Variants in VSIG10 observed in about 807,000 individuals in gnomAD.
The protein encoded by VSIG10 is V-set and immunoglobulin domain-containing protein 10.
VSIG10 carries 48 observed loss-of-function variants against 58.7 expected under a neutral mutation model. That is an observed-to-expected ratio of 0.82 (90% CI 0.65 to 1.04). The LOEUF is 1.04. Ranked by LOEUF, VSIG10 falls within the 50% of genes least tolerant of loss-of-function variation. The pLI, the probability that VSIG10 is intolerant of heterozygous loss-of-function variation, is 0.00. For missense variants in VSIG10, 628 were observed against 670.0 expected, an observed-to-expected ratio of 0.94 and a Z score of 0.69; for synonymous variants, 260 against 267.1, an observed-to-expected ratio of 0.97 and a Z score of 0.26.
At chr12:118,071,973 C>T (rs923400732) in intron 5 of VSIG10, among the ~76,000 whole-genome samples, 1 of 150,302 alleles carries the variant, frequency 6.7e-6, no homozygotes, top group Non-Finnish European at 1.5e-5. Context: ...AGATCGAGAC[C>T]AGCCTGACCA....
intron 2 of VSIG10, 133 bp downstream of exon 2, chr12:118,095,400 C>G: frequency 8.5e-7 from 1 of 1,171,886 alleles, no homozygotes. Context: ...AGAGGTCCCT[C>G]AGCTTCCATG....
Position 118,103,846 on chromosome 12 carries a change from G to A in VSIG10, c.-175C>T, listed in dbSNP as rs1262594787. 1.2e-5 allele frequency: 7 copies of A among 561,146 alleles called. No individual in the cohort carries two copies. Among genetic ancestry groups the A allele is most frequent in the Admixed American group, 8.8e-5 (2 of 22,822 alleles). 34.8% of individuals were successfully genotyped at this position (561,146 alleles called of 1,614,324 possible). A position where few individuals can be genotyped will look rare whatever the true frequency, so the allele number is the denominator to read the frequency against. On this transcript the variant is annotated 5_prime_UTR_variant, in exon 1 of 9. Transcript: ENST00000359236. ...TTGGCTGAGCCGAGTGTCCAGGGCC[G>A]GCAGCGGAGCTCGGCTGCAGGCTCG...
chr12:118,079,735 G>T, intron 3 of VSIG10, 129 bp from the exon 4 acceptor site: 1 of 1,293,760 alleles, frequency 7.7e-7, no homozygotes. Context: ...GCATCTAATA[G>T]CTCCTAGCAC....
At chr12:118,071,762 T>C (rs1003806591) in intron 5 of VSIG10, among the ~76,000 whole-genome samples, 3 of 152,232 alleles carry the variant, frequency 2.0e-5, no homozygotes, top group East Asian at 1.9e-4. Context: ...GAGTTATCAA[T>C]GCCATGATAA....
chr12:118,095,857 C>T (rs12817403), intron 1 of VSIG10, 43 bp from the exon 2 acceptor site: 1 of 1,556,302 alleles, frequency 6.4e-7, no homozygotes, highest in Non-Finnish European at 8.7e-7. Flanking sequence ...TTCTTAATTT[C>T]TAAACAATGT....
At position 118,103,619 on chromosome 12, in the gene VSIG10, G is replaced by A; in HGVS notation, c.53C>T (p.Ala18Val). Residue 18 changes from alanine (A) to valine (V), a missense_variant, in exon 1 of 9, where the codon GCG becomes GTG. Transcript: ENST00000359236. ...TACGGCGACCCAGCCGGCCAGGAGC[G>A]CCCCGAGGCAGACGAGGACGCGGGG... The part of the protein sequence containing the change: ...PEPRVLVCLG[A>V]LLAGWVAVGL... 1 of 1,517,690 alleles carries A rather than the reference G, an allele frequency of 6.6e-7. No individual in the cohort carries two copies. Among genetic ancestry groups the A allele is most frequent in the Non-Finnish European group, 8.8e-7 (1 of 1,138,918 alleles). 94.0% of individuals were successfully genotyped at this position (1,517,690 alleles called of 1,614,324 possible).
At chr12:118,076,298 G>A (rs1220381848) in intron 4 of VSIG10, among the ~76,000 whole-genome samples, 1 of 152,062 alleles carries the variant, frequency 6.6e-6, no homozygotes, top group East Asian at 1.9e-4. Flanking sequence ...ATTCGGCCCA[G>A]GATGGCTTTG....
rs61523301 is a variant in VSIG10, at chr12:118,083,114, C to CAAA, written c.362-688_362-686dup. 2.5e-3 allele frequency among the ~76,000 whole-genome samples: 138 copies of CAAA among 55,018 alleles called. 2 individuals carry two copies. The highest frequency in any genetic ancestry group is 4.5e-3 in the South Asian group (4 of 882). The allele number at this position is 55,018 out of a possible 152,430, so 36.1% of individuals were successfully genotyped here. A position where few individuals can be genotyped will look rare whatever the true frequency, so the allele number is the denominator to read the frequency against. On this transcript the variant is annotated intron_variant, in intron 2 of 8. Transcript: ENST00000359236. ...AGCAACACAGCAAGTCTCCGTCTCACAAAAAAAAAAAAAAAAAAAAAAAAA... is the reference window on the plus strand; with the variant it reads ...AGCAACACAGCAAGTCTCCGTCTCACAAAAAAAAAAAAAAAAAAAAAAAAAAAA...
At chr12:118,081,936 G>A (rs78796644) in intron 3 of VSIG10, among the ~76,000 whole-genome samples, 191 bp downstream of exon 3, 3,897 of 149,958 alleles carry the variant, frequency 0.026, 71 homozygotes, top group Middle Eastern at 0.086. Context: ...AGAATCGCTT[G>A]AACCCATGAG....
intron 6 of VSIG10, 47 bp downstream of exon 6, chr12:118,071,311 CT>C: frequency 6.4e-7 from 1 of 1,572,178 alleles, no homozygotes; most frequent in Non-Finnish European, 8.7e-7. Context: ...CATCCCGCAC[CT>C]TTTCAAAAGT....
intron 6 of VSIG10, 43 bp downstream of exon 6, chr12:118,071,316 C>T: frequency 3.2e-6 from 5 of 1,584,824 alleles, no homozygotes; most frequent in Non-Finnish European, 4.3e-6. Flanking sequence ...CGCACCTTTT[C>T]AAAAGTCTGG....
chr12:118,085,852 C>CAA (rs1255347303), intron 2 of VSIG10, among the ~76,000 whole-genome samples: 14 of 47,898 alleles, frequency 2.9e-4, no homozygotes, highest in East Asian at 1.2e-3. Context: ...GACTTCGTCT[C>CAA]AAAAAAAAAA....
Position 118,065,344 on chromosome 12 carries a change from G to A in VSIG10, c.*1295C>T, listed in dbSNP as rs1355622874. ...ATAGGAAAGTCTGCAAGCTAACAGT[G>A]TATCACCTAGGAGGCTTGTATATAA... is the stretch of plus-strand genomic sequence containing the variant. On this transcript the variant is annotated 3_prime_UTR_variant, in exon 9 of 9. Coordinates refer to ENST00000359236, the MANE Select transcript of VSIG10 (RefSeq NM_019086.6). The A allele has an allele frequency of 6.6e-6, 1 of 152,228 alleles. No individual in the cohort carries two copies. Among genetic ancestry groups the A allele is most frequent in the African/African-American group, 2.4e-5 (1 of 41,462 alleles). The allele number at this position is 152,228 out of a possible 1,614,324, so 9.4% of individuals were successfully genotyped here.
In VSIG10 at chr12:118,071,068, C is replaced by T. The variant is rs919311712; in HGVS notation, c.1331-1G>A. On this transcript the variant is annotated splice_acceptor_variant, in intron 6 of 8. Transcript: ENST00000359236. LOFTEE classifies it high-confidence loss of function. ...AACACTCACCTGGAAGTGTTTCCTA[C>T]TGAAGAGAGAAAGGAAAAACCATTA... 4 of 1,598,092 alleles carry T rather than the reference C, an allele frequency of 2.5e-6. No homozygotes were observed. In the African/African-American group the frequency reaches 4.0e-5, roughly 16 times the overall value.
intron 4 of VSIG10, among the ~76,000 whole-genome samples, chr12:118,077,906 C>T (rs1218075658): frequency 6.6e-6 from 1 of 152,204 alleles, no homozygotes; most frequent in Non-Finnish European, 1.5e-5. Flanking sequence ...AAACCATCCC[C>T]AATGCCCACT....
At position 118,095,528 on chromosome 12, in the gene VSIG10, C is replaced by T. The variant is rs1439263517; in HGVS notation, c.361+5G>A. On this transcript the variant is annotated splice_donor_5th_base_variant and intron_variant, in intron 2 of 8. Coordinates refer to ENST00000359236, the MANE Select transcript of VSIG10 (RefSeq NM_019086.6). ...CCAGCCCCGGTCCCTGCCAGCCCCA[C>T]TTACTGGCCACCTGCAGCCACACTT... The T allele has an allele frequency of 8.1e-6, 13 of 1,613,600 alleles. No homozygotes were observed. The East Asian group carries it at 2.9e-4, about 36-fold the overall frequency.
intron 1 of VSIG10, among the ~76,000 whole-genome samples, chr12:118,096,618 T>A (rs1046387873): frequency 6.7e-6 from 1 of 149,896 alleles, no homozygotes; most frequent in Non-Finnish European, 1.5e-5. Context: ...GCTGGGCATG[T>A]AGTCCCAGCT....
Position 118,066,583 on chromosome 12 carries a change from C to T in VSIG10, c.*56G>A. 6.3e-7 allele frequency: 1 copy of T among 1,594,380 alleles called. No homozygotes were observed. Among genetic ancestry groups the T allele is most frequent in the Admixed American group, 1.7e-5 (1 of 59,974 alleles). ...AGTCAAAGCTGAATGAAGAGCTCGT[C>T]TTCAATGTAGCTCTCCAAGCTTTCA... On this transcript the variant is annotated 3_prime_UTR_variant, in exon 9 of 9. Coordinates refer to ENST00000359236, the MANE Select transcript of VSIG10 (RefSeq NM_019086.6).
chr12:118,097,373 G>A (rs2033491965), intron 1 of VSIG10, among the ~76,000 whole-genome samples: 1 of 152,188 alleles, frequency 6.6e-6, no homozygotes, highest in South Asian at 2.1e-4. Flanking sequence ...CAGCACGCTG[G>A]GAGGCCGAGG....
Sources: gnomAD v4.1 joint callset for allele counts (sites outside exome capture counted in the v4.1 genomes callset) on GRCh38, gnomAD v4.1.1 for gene constraint, MANE v1.5 for transcripts, NCBI Gene and HGNC (gene_info 2026-07-23, HGNC 2026-07-21) for gene names.